SOX13: variants seen among roughly 807,000 people sequenced by gnomAD.
SOX13 encodes the protein transcription factor SOX-13.
A neutral mutation model predicts 71.8 loss-of-function variants in SOX13; 28 were observed. That is an observed-to-expected ratio of 0.39 (90% CI 0.29 to 0.53). SOX13 has a LOEUF of 0.53. Among genes scored for constraint, SOX13 ranks in the 20% least tolerant of loss-of-function variants. The pLI, the probability that SOX13 is intolerant of heterozygous loss-of-function variation, is 0.70. For missense variants in SOX13, 627 were observed against 810.3 expected, an observed-to-expected ratio of 0.77 and a Z score of 2.75; for synonymous variants, 309 against 317.8, an observed-to-expected ratio of 0.97 and a Z score of 0.29.
At chr1:204,116,383 G>C (rs774220662) in intron 4 of SOX13, 124 bp from the exon 5 acceptor site, 1 of 1,585,552 alleles carries the variant, frequency 6.3e-7, no homozygotes, top group Non-Finnish European at 8.6e-7. Flanking sequence ...CTGTGGCTCA[G>C]CCCCTAATGG....
At chr1:204,075,858 A>C (rs1655776226) in intron 1 of SOX13, among the ~76,000 whole-genome samples, 1 of 152,214 alleles carries the variant, frequency 6.6e-6, no homozygotes, top group South Asian at 2.1e-4. Context: ...TGCTAGGTAA[A>C]TATGAGCTAT....
intron 7 of SOX13, among the ~76,000 whole-genome samples, chr1:204,120,066 T>G (rs1656771271): frequency 6.6e-6 from 1 of 152,172 alleles, no homozygotes; most frequent in Non-Finnish European, 1.5e-5. Context: ...CAGTTATAGG[T>G]AAGACTCAAG....
At chr1:204,101,504 T>TAAAAA (rs781502804) in intron 1 of SOX13, among the ~76,000 whole-genome samples, 8,028 of 134,528 alleles carry the variant, frequency 0.06, 894 homozygotes, top group African/African-American at 0.21. Context: ...CCTCTTTATT[T>TAAAAA]AAAAAAAAAA....
rs1309679138 is a variant in SOX13 at position 204,117,126 on chromosome 1, C to G, written c.596C>G (p.Ala199Gly). ...CCTACTCTTTCCCTCTCCCAGATTG[C>G]AAAGCAGCAGCAGCAGCTGATTCAG... The part of the protein sequence containing the change: ...ELARQQQEQI[A>G]KQQQQLIQQQ... The change falls in exon 6 of 14, where the codon GCA (alanine) becomes GGA (glycine). Residue 199 changes from alanine to glycine, a missense_variant. By Grantham distance (60) the Ala-to-Gly change is moderately conservative. Around this residue, in one of 3 missense-constraint regions of SOX13, gnomAD observed 447 missense variants for 532.2 expected, o/e 0.84. Coordinates refer to ENST00000367204, the MANE Select transcript of SOX13 (RefSeq NM_005686.3). The G allele has an allele frequency of 6.2e-7, 1 of 1,613,798 alleles. No homozygotes were observed. Among genetic ancestry groups the G allele is most frequent in the South Asian group, 1.1e-5 (1 of 91,056 alleles).
In SOX13 at chr1:204,122,931, T is replaced by C. The variant is rs765493085; in HGVS notation, c.1102T>C (p.Leu368=). ...RQLLHSHSGA[L]DGSPNTPFRK... ...GCTGCTGCACAGCCACAGTGGGGCC[T>C]TGGATGGCTCCCCCAACACCCCCTT... Residue 368 remains leucine (L), a synonymous_variant, in exon 10 of 14, where the codon TTG becomes CTG. Transcript: ENST00000367204. 5 of 1,590,468 alleles carry C rather than the reference T, an allele frequency of 3.1e-6. No individual in the cohort carries two copies. Among genetic ancestry groups the C allele is most frequent in the Non-Finnish European group, 4.3e-6 (5 of 1,167,526 alleles).
intron 1 of SOX13, among the ~76,000 whole-genome samples, chr1:204,083,841 T>G (rs1655959736): frequency 6.6e-6 from 1 of 152,074 alleles, no homozygotes; most frequent in African/African-American, 2.4e-5. Flanking sequence ...AGTAAGTAAC[T>G]GATACCAGTA....
intron 1 of SOX13, among the ~76,000 whole-genome samples, chr1:204,102,779 G>A (rs552813419): frequency 6.6e-6 from 1 of 151,980 alleles, no homozygotes; most frequent in African/African-American, 2.4e-5. Flanking sequence ...ATCTCTATGG[G>A]GTAGGTGTTA....
chr1:204,117,010 C>A, intron 5 of SOX13, 112 bp from the exon 6 acceptor site: 2 of 1,074,528 alleles, frequency 1.9e-6, no homozygotes, highest in East Asian at 2.6e-5. Flanking sequence ...CTACTGCCAC[C>A]CCACTCCATG....
chr1:204,125,457 T>C (rs1047095223), intron 13 of SOX13, among the ~76,000 whole-genome samples: 14 of 152,146 alleles, frequency 9.2e-5, no homozygotes, highest in African/African-American at 3.4e-4. Context: ...CTCAGGAGGC[T>C]GAGGCAGGCT....
In SOX13 at chr1:204,122,977, C is replaced by A; in HGVS notation, c.1134+14C>A. 1.3e-6 allele frequency: 2 copies of A among 1,550,406 alleles called. No homozygotes were observed. Among genetic ancestry groups the A allele is most frequent in the South Asian group, 1.2e-5 (1 of 86,806 alleles). On this transcript the variant is annotated intron_variant, in intron 10 of 13. Coordinates refer to ENST00000367204, the MANE Select transcript of SOX13 (RefSeq NM_005686.3). ...CCCTTCCGTAAGGTATGGTCCCCCA[C>A]TCCCTTGAGCCTAGGGGCAGCAACA...
intron 1 of SOX13, among the ~76,000 whole-genome samples, chr1:204,087,903 C>T (rs1302954656): frequency 6.6e-6 from 1 of 152,198 alleles, no homozygotes; most frequent in Admixed American, 6.5e-5. Context: ...TGGAAATTGT[C>T]TAGGTAGTGG....
intron 1 of SOX13, among the ~76,000 whole-genome samples, chr1:204,091,654 T>C (rs1302870485): frequency 6.6e-6 from 1 of 152,194 alleles, no homozygotes; most frequent in East Asian, 1.9e-4. Context: ...AGACTGGGGT[T>C]TGAGTCCTGG....
intron 1 of SOX13, among the ~76,000 whole-genome samples, chr1:204,076,997 G>C (rs1242578255): frequency 6.6e-6 from 1 of 152,232 alleles, no homozygotes; most frequent in Non-Finnish European, 1.5e-5. Context: ...CAATGGGAAA[G>C]AAATACCACA....
At chr1:204,091,152 G>A (rs73069913) in intron 1 of SOX13, among the ~76,000 whole-genome samples, 1,776 of 152,192 alleles carry the variant, frequency 0.012, 37 homozygotes, top group African/African-American at 0.042. Context: ...GCTGCCTTCC[G>A]TATTGAACTG....
In SOX13 at chr1:204,113,023, C is replaced by T. The variant is rs1380570478; in HGVS notation, c.108C>T (p.Ala36=). The T allele has an allele frequency of 1.9e-6, 3 of 1,612,762 alleles. No individual in the cohort carries two copies. In the East Asian group the frequency reaches 6.7e-5, roughly 36 times the overall value. Residue 36 remains alanine, a synonymous_variant, in exon 2 of 14, where the codon GCC becomes GCT. Coordinates refer to ENST00000367204, the MANE Select transcript of SOX13 (RefSeq NM_005686.3). ...SEEKKEPCHE[A]PQGSATAAEP... ...AGAAGAAAGAGCCTTGCCACGAGGC[C>T]CCCCAGGGCTCAGCCACTGCCGCTG...
intron 1 of SOX13, among the ~76,000 whole-genome samples, chr1:204,104,372 C>T (rs548379733): frequency 1.3e-5 from 2 of 152,322 alleles, no homozygotes; most frequent in African/African-American, 2.4e-5. Flanking sequence ...TTGTCCCAAG[C>T]CTGCAGCCAG....
rs6143576 is a variant in SOX13 at position 204,112,501 on chromosome 1, G to GCACACA, written c.-1-392_-1-387dup. ...TGCACAGACACATGCACACATGCGT[G>GCACACA]CACACACACACACACACACACACAC... On this transcript the variant is annotated intron_variant, in intron 1 of 13. Transcript: ENST00000367204. 3.3e-3 allele frequency among the ~76,000 whole-genome samples: 191 copies of GCACACA among 57,918 alleles called. 1 individual carries two copies. The highest frequency in any genetic ancestry group is 7.1e-3 in the African/African-American group (179 of 25,338). The allele number at this position is 57,918 out of a possible 152,430, so 38.0% of individuals were successfully genotyped here.
chr1:204,102,971 C>T (rs1188312888), intron 1 of SOX13, among the ~76,000 whole-genome samples: 1 of 152,130 alleles, frequency 6.6e-6, no homozygotes, highest in Non-Finnish European at 1.5e-5. Flanking sequence ...TCCGGAAGAG[C>T]TGGGCTGGCT....
At chr1:204,113,554 TAAAA>T (rs546243632) in intron 2 of SOX13, among the ~76,000 whole-genome samples, 54 of 152,202 alleles carry the variant, frequency 3.5e-4, no homozygotes, top group African/African-American at 1.3e-3. Flanking sequence ...TCTTGACCCT[TAAAA>T]AAACAAGAGA....
Sources: allele counts gnomAD v4.1 joint callset (sites outside exome capture counted in the v4.1 genomes callset), GRCh38; gene constraint gnomAD v4.1.1; regional missense constraint gnomAD v4.1.1; transcripts MANE v1.5; gene names NCBI Gene and HGNC (gene_info 2026-07-23, HGNC 2026-07-21).